TPP2: variants seen among roughly 807,000 people sequenced by gnomAD.
TPP2 encodes the protein tripeptidyl peptidase 2.
Under a neutral mutation model 155.9 loss-of-function variants are expected in TPP2, and 34 were observed. That is an observed-to-expected ratio of 0.22 (90% confidence interval 0.17 to 0.29). The LOEUF is 0.29. Among genes scored for constraint, TPP2 ranks in the 10% least tolerant of loss-of-function variants. The pLI is 1.00. For missense variants in TPP2, 1,028 were observed against 1,522.3 expected, an observed-to-expected ratio of 0.68 and a Z score of 5.40; for synonymous variants, 510 against 529.4, an observed-to-expected ratio of 0.96 and a Z score of 0.50.
At chr13:102,666,766 C>CTTTTTTTTTTTTTTTTTTTTTTTTTTTT in intron 27 of TPP2, among the ~76,000 whole-genome samples, 18 of 55,736 alleles carry the variant, frequency 3.2e-4, no homozygotes, top group Non-Finnish European at 4.3e-4. Flanking sequence ...TTTTTAATCT[C>CTTTTTTTTTTTTTTTTTTTTTTTTTTTT]TTTTTTTTTT....
At chr13:102,626,848 A>C (rs889922754) in intron 6 of TPP2, 164 bp from the exon 7 acceptor site, 2 of 480,962 alleles carry the variant, frequency 4.2e-6, no homozygotes, top group African/African-American at 2.0e-5. Context: ...TCAGCTATAC[A>C]TGTTGCAAAT....
At chr13:102,599,527 C>G (rs951950190) in intron 1 of TPP2, among the ~76,000 whole-genome samples, 2 of 152,004 alleles carry the variant, frequency 1.3e-5, no homozygotes, top group Non-Finnish European at 2.9e-5. Flanking sequence ...GTTTGGAAAG[C>G]CGGGTGGGGT....
At chr13:102,663,282 G>C (rs1884375465) in intron 25 of TPP2, among the ~76,000 whole-genome samples, 2 of 152,036 alleles carry the variant, frequency 1.3e-5, no homozygotes, top group Admixed American at 6.6e-5. Flanking sequence ...CGAGTATCTG[G>C]GACTACAGGC....
At chr13:102,598,821 T>C (rs944573749) in intron 1 of TPP2, among the ~76,000 whole-genome samples, 3 of 152,204 alleles carry the variant, frequency 2.0e-5, no homozygotes, top group Non-Finnish European at 2.9e-5. Context: ...GTAACAATAA[T>C]TTTCACCCCA....
chr13:102,608,475 C>T (rs1044505104), intron 2 of TPP2, among the ~76,000 whole-genome samples: 1 of 151,908 alleles, frequency 6.6e-6, no homozygotes. Context: ...TTGACTTGAT[C>T]CTCCAATTTT....
chr13:102,603,649 C>A (rs921513743), intron 1 of TPP2, among the ~76,000 whole-genome samples: 1 of 152,126 alleles, frequency 6.6e-6, no homozygotes, highest in Non-Finnish European at 1.5e-5. Context: ...GCTTTTTATG[C>A]GAGTATTCTG....
intron 21 of TPP2, among the ~76,000 whole-genome samples, chr13:102,648,272 C>G (rs1477867601): frequency 6.6e-6 from 1 of 152,132 alleles, no homozygotes; most frequent in Non-Finnish European, 1.5e-5. Flanking sequence ...CCCGTCTACT[C>G]AGGAAGCTGA....
chr13:102,602,893 G>GT (rs956455991), intron 1 of TPP2, among the ~76,000 whole-genome samples: 12 of 150,466 alleles, frequency 8.0e-5, no homozygotes, highest in African/African-American at 2.7e-4. Flanking sequence ...TGAGGATGGA[G>GT]TTTTTTTGTT....
intron 10 of TPP2, among the ~76,000 whole-genome samples, chr13:102,632,331 A>T (rs1882073791): frequency 6.7e-6 from 1 of 149,872 alleles, no homozygotes; most frequent in African/African-American, 2.5e-5. Context: ...TACAACCTCC[A>T]CCTCTCAGGT....
In TPP2 at chr13:102,634,088, G is replaced by T. The variant is rs757729477; in HGVS notation, c.1383G>T (p.Leu461=). The T allele has an allele frequency of 4.3e-6, 7 of 1,613,998 alleles. No individual in the cohort carries two copies. In the Admixed American group the frequency reaches 1.2e-4, roughly 27 times the overall value. Residue 461 remains leucine, a synonymous_variant, in exon 11 of 30, where the codon CTG becomes CTT. Transcript: ENST00000376052. ...CCAATGCATGTGGAGGCATTGCCCT[G>T]ATCCTTTCAGGTAAGCGTGTTCTTT... ...SSPNACGGIA[L]ILSGLKANNI...
chr13:102,676,499 A>G, intron 29 of TPP2, 84 bp downstream of exon 29: 2 of 1,501,822 alleles, frequency 1.3e-6, no homozygotes, highest in Non-Finnish European at 9.1e-7. Flanking sequence ...TAGGACTGTG[A>G]TATAGCAATA....
Position 102,604,908 on chromosome 13 carries a change from G to A in TPP2, c.281G>A (p.Gly94Glu). 1.2e-6 allele frequency: 2 copies of A among 1,613,700 alleles called. No individual in the cohort carries two copies. The highest frequency in any genetic ancestry group is 1.1e-5 in the South Asian group (1 of 90,976). The change falls in exon 2 of 30, where the codon GGA becomes GAA. Residue 94 changes from glycine to glutamate, a missense_variant. Physicochemically the swap from Gly to Glu is moderately conservative, Grantham distance 98 (BLOSUM62 -2). Transcript: ENST00000376052. Reference sequence around the variant, plus strand: ...GATGGTGAGATTGTTGGCCTTTCAGGAAGAGTGCTTAAGGTGAGACCTTTT... The same window carrying A: ...GATGGTGAGATTGTTGGCCTTTCAGAAAGAGTGCTTAAGGTGAGACCTTTT... ...PKDGEIVGLS[G>E]RVLKIPASWT... is the part of the protein sequence containing the mutation.
At chr13:102,614,466 T>C (rs1880566933) in intron 3 of TPP2, among the ~76,000 whole-genome samples, 2 of 152,212 alleles carry the variant, frequency 1.3e-5, no homozygotes, top group Non-Finnish European at 2.9e-5. Flanking sequence ...TGTGTTTTTC[T>C]GGGAGATGGG....
rs1314339155 is a variant in TPP2, at chr13:102,679,043, T to C, written c.*727T>C. ...GTATTGTAAAGATACACATATGATA[T>C]GTTTATTAAAATTGAAATAATGTAA... On this transcript the variant is annotated 3_prime_UTR_variant, in exon 30 of 30. Coordinates refer to ENST00000376052, the MANE Select transcript of TPP2 (RefSeq NM_001330588.2). The C allele has an allele frequency of 6.6e-6, 1 of 152,596 alleles. No homozygotes were observed. Among genetic ancestry groups the C allele is most frequent in the African/African-American group, 2.4e-5 (1 of 41,440 alleles). 9.5% of individuals were successfully genotyped at this position (152,596 alleles called of 1,614,324 possible).
intron 10 of TPP2, 54 bp from the exon 11 acceptor site, chr13:102,633,896 C>T (rs1284097059): frequency 4.4e-6 from 7 of 1,607,926 alleles, no homozygotes; most frequent in Non-Finnish European, 6.0e-6. Flanking sequence ...TAAAAATGCC[C>T]ATGTATGTTT....
chr13:102,597,018 C>T lies in TPP2; in HGVS notation c.-21C>T, dbSNP rs781493054. ...GCGCAGCCTGGCAGTTTGCCGCTTC[C>T]TCGTCCTCCATCCTGCGTCCATGGC... On this transcript the variant is annotated 5_prime_UTR_variant, in exon 1 of 30. Coordinates refer to ENST00000376052, the MANE Select transcript of TPP2 (RefSeq NM_001330588.2). The T allele has an allele frequency of 1.9e-5, 30 of 1,608,986 alleles. No homozygotes were observed. Among genetic ancestry groups the T allele is most frequent in the Non-Finnish European group, 2.1e-5 (25 of 1,178,206 alleles).
chr13:102,644,696 G>T (rs1174571598), intron 18 of TPP2, 23 bp downstream of exon 18: 1 of 1,568,076 alleles, frequency 6.4e-7, no homozygotes, highest in Admixed American at 1.9e-5. Context: ...ACATTTTCAT[G>T]ATTTTTAATG....
At chr13:102,604,719 A>G (rs1449503322) in intron 1 of TPP2, 74 bp from the exon 2 acceptor site, 1 of 1,490,484 alleles carries the variant, frequency 6.7e-7, no homozygotes. Flanking sequence ...ACACACATAT[A>G]TATGTGGATT....
intron 10 of TPP2, chr13:102,631,344 C>T (rs1397560692): frequency 6.6e-6 from 1 of 152,164 alleles, no homozygotes; most frequent in Non-Finnish European, 1.5e-5. Flanking sequence ...TTGAAAACAA[C>T]CAGGCCGTGG....
Sources: gnomAD v4.1 joint callset for allele counts (sites outside exome capture counted in the v4.1 genomes callset) on GRCh38, gnomAD v4.1.1 for gene constraint, MANE v1.5 for transcripts, NCBI Gene and HGNC (gene_info 2026-07-23, HGNC 2026-07-21) for gene names.